The following MAPK8 variants were observed in gnomAD, a reference collection of about 807,000 sequenced individuals.
MAPK8 encodes the protein mitogen-activated protein kinase 8.
MAPK8 carries 13 observed loss-of-function variants against 52.9 expected under a neutral mutation model. The observed-to-expected ratio is 0.25, with a 90% CI of 0.16 to 0.39. The LOEUF (loss-of-function observed/expected upper bound fraction) is 0.39. MAPK8 is among the 10% of genes least tolerant of loss of function. MAPK8 has a pLI of 1.00. For synonymous variants in MAPK8, 191 were observed against 169.8 expected, an observed-to-expected ratio of 1.12 and a Z score of -0.97; for missense variants, 300 against 519.2, an observed-to-expected ratio of 0.58 and a Z score of 4.10.
intron 1 of MAPK8, among the ~76,000 whole-genome samples, chr10:48,309,439 C>T (rs968414590): frequency 2.6e-5 from 4 of 152,140 alleles, no homozygotes; most frequent in Admixed American, 6.5e-5. Context: ...TTTTAAATGT[C>T]CTGTCCTGGC....
At chr10:48,373,593 A>AAAAAAAAAAAAAAAAG (rs2040462760) in intron 1 of MAPK8, among the ~76,000 whole-genome samples, 1 of 147,812 alleles carries the variant, frequency 6.8e-6, no homozygotes, top group African/African-American at 2.5e-5. Flanking sequence ...AAAAAAAAAA[A>AAAAAAAAAAAAAAAAG]AAAAAGCCAG....
At chr10:48,352,073 G>T (rs1846394124) in intron 1 of MAPK8, among the ~76,000 whole-genome samples, 1 of 152,124 alleles carries the variant, frequency 6.6e-6, no homozygotes, top group Non-Finnish European at 1.5e-5. Context: ...TTTTCAGAAA[G>T]TACAACATAC....
At position 48,410,591 on chromosome 10, in the gene MAPK8, A is replaced by G. The variant is rs557937103; in HGVS notation, c.450+423A>G. ...CCTTTCAGCTATTATGGATCGTGCT[A>G]TGAAAATTCAAGCACAAATATTTGT... On this transcript the variant is annotated intron_variant, in intron 5 of 11. Coordinates refer to ENST00000374189, the MANE Select transcript of MAPK8 (RefSeq NM_001323329.2). Among the ~76,000 whole-genome samples, 131 of 152,330 alleles carry G rather than the reference A, an allele frequency of 8.6e-4. No individual in the cohort carries two copies. In the Middle Eastern group the frequency reaches 0.014, roughly 16 times the overall value.
At chr10:48,308,299 A>T (rs958539768) in intron 1 of MAPK8, 5 of 152,178 alleles carry the variant, frequency 3.3e-5, no homozygotes, top group Non-Finnish European at 5.9e-5. Context: ...GTAAGTGTTC[A>T]ATAAAAGTCG....
chr10:48,371,835 C>T (rs917557619), intron 1 of MAPK8, among the ~76,000 whole-genome samples: 3 of 151,984 alleles, frequency 2.0e-5, no homozygotes, highest in Admixed American at 1.3e-4. Flanking sequence ...TCCTTGGGTT[C>T]GATTAATTTT....
chr10:48,332,396 C>T (rs1054439316), intron 1 of MAPK8, among the ~76,000 whole-genome samples: 3 of 152,216 alleles, frequency 2.0e-5, no homozygotes, highest in African/African-American at 7.2e-5. Flanking sequence ...TACCCTGTTG[C>T]ATCATGCAGA....
intron 1 of MAPK8, among the ~76,000 whole-genome samples, chr10:48,398,290 A>G (rs1271046893): frequency 2.0e-5 from 3 of 152,236 alleles, no homozygotes; most frequent in East Asian, 1.9e-4. Context: ...TATTTTTACA[A>G]TAGGGAAAAG....
In MAPK8 at chr10:48,410,124, C is replaced by G; in HGVS notation, c.406C>G (p.Leu136Val). Residue 136 changes from leucine to valine, a missense_variant, in exon 5 of 12, where the codon CTG becomes GTG. By Grantham distance (32) the Leu-to-Val change is conservative. Around this residue, in one of 3 missense-constraint regions of MAPK8, gnomAD observed 147 missense variants for 328.1 expected, o/e 0.45. Coordinates refer to ENST00000374189, the MANE Select transcript of MAPK8 (RefSeq NM_001323329.2). ...AATGTCCTACCTTCTCTATCAGATGCTGTGTGGAATCAAGCACCTTCATTC... is the reference window on the plus strand; with the variant it reads ...AATGTCCTACCTTCTCTATCAGATGGTGTGTGGAATCAAGCACCTTCATTC... ...ERMSYLLYQM[L>V]CGIKHLHSAG... 1 of 1,580,120 alleles carries G rather than the reference C, an allele frequency of 6.3e-7. No individual in the cohort carries two copies. The highest frequency in any genetic ancestry group is 8.6e-7 in the Non-Finnish European group (1 of 1,165,508).
intron 1 of MAPK8, among the ~76,000 whole-genome samples, chr10:48,321,531 A>G (rs1280950043): frequency 6.6e-6 from 1 of 152,200 alleles, no homozygotes; most frequent in Non-Finnish European, 1.5e-5. Flanking sequence ...AAAGAAATCC[A>G]ATGTATTTGT....
chr10:48,328,673 A>G (rs974650585), intron 1 of MAPK8, among the ~76,000 whole-genome samples: 2 of 152,224 alleles, frequency 1.3e-5, no homozygotes, highest in African/African-American at 4.8e-5. Context: ...TTGGTAGTCA[A>G]CAAGAGCAAC....
At chr10:48,404,080 G>A (rs1360515240) in intron 2 of MAPK8, among the ~76,000 whole-genome samples, 1 of 151,532 alleles carries the variant, frequency 6.6e-6, no homozygotes, top group African/African-American at 2.4e-5. Context: ...ACTGCGCCTG[G>A]CCCTTCTGTA....
At chr10:48,321,116 A>T (rs866108950) in intron 1 of MAPK8, among the ~76,000 whole-genome samples, 13 of 119,844 alleles carry the variant, frequency 1.1e-4, no homozygotes, top group African/African-American at 3.7e-4. Flanking sequence ...TTTTTTTAAG[A>T]GATGGGGTTC....
intron 3 of MAPK8, among the ~76,000 whole-genome samples, chr10:48,407,731 A>G (rs1283795966): frequency 1.3e-5 from 2 of 152,262 alleles, no homozygotes; most frequent in East Asian, 3.9e-4. Context: ...TTATCACCTC[A>G]GGATAAAAGA....
intron 1 of MAPK8, among the ~76,000 whole-genome samples, chr10:48,371,767 A>G (rs555314160): frequency 2.6e-5 from 4 of 152,284 alleles, no homozygotes; most frequent in South Asian, 4.1e-4. Context: ...AGTCACAGGC[A>G]TAAGTTGTAG....
intron 1 of MAPK8, 67 bp from the exon 2 acceptor site, chr10:48,401,545 A>T: frequency 9.6e-7 from 1 of 1,038,476 alleles, no homozygotes; most frequent in Non-Finnish European, 1.4e-6. Flanking sequence ...CGTAAACAGT[A>T]AGGACTCAAA....
chr10:48,420,066 G>A (rs1243268799), intron 5 of MAPK8, 89 bp from the exon 6 acceptor site: 2 of 953,792 alleles, frequency 2.1e-6, no homozygotes, highest in Middle Eastern at 3.1e-4. Flanking sequence ...TAACATGAAT[G>A]TTTTGCAAGG....
chr10:48,404,563 G>A (rs1023262925), intron 2 of MAPK8, among the ~76,000 whole-genome samples: 1 of 152,148 alleles, frequency 6.6e-6, no homozygotes, highest in Non-Finnish European at 1.5e-5. Flanking sequence ...TTTGTACATT[G>A]AGTGCCCACG....
intron 3 of MAPK8, among the ~76,000 whole-genome samples, chr10:48,407,276 G>A (rs1184792360): frequency 2.0e-5 from 3 of 152,154 alleles, no homozygotes; most frequent in African/African-American, 7.2e-5. Flanking sequence ...TTATCCAGCT[G>A]TTTCCAATTC....
chr10:48,425,401 C>G (rs923698188), intron 7 of MAPK8: 2 of 440,118 alleles, frequency 4.5e-6, no homozygotes, highest in South Asian at 1.3e-4. Flanking sequence ...CCACTTTTAT[C>G]GAAGCCTTTA....
Sources: gnomAD v4.1 joint callset for allele counts (sites outside exome capture counted in the v4.1 genomes callset) on GRCh38, gnomAD v4.1.1 for gene constraint, gnomAD v4.1.1 regional missense constraint, MANE v1.5 for transcripts, NCBI Gene and HGNC (gene_info 2026-07-23, HGNC 2026-07-21) for gene names.